Variants in DGKH observed in about 807,000 individuals in gnomAD.
The protein encoded by DGKH is diacylglycerol kinase eta, also known as DAG kinase eta.
Under a neutral mutation model 159.3 loss-of-function variants are expected in DGKH, and 90 were observed. The ratio of observed to expected loss-of-function variants is 0.57; its 90% CI spans 0.48 to 0.67. The LOEUF (loss-of-function observed/expected upper bound fraction) is 0.67, where lower values mean the gene tolerates loss of function less well. Ranked by LOEUF, DGKH falls within the 30% of genes least tolerant of loss-of-function variation. The pLI is 0.00. For synonymous variants in DGKH, 536 were observed against 553.8 expected (o/e 0.97, Z 0.45); for missense variants, 1,181 against 1,506.1 (o/e 0.78, Z 3.57).
At chr13:42,245,185 T>A (rs1335839919), downstream of DGKH, among the ~76,000 whole-genome samples, 1 of 152,148 alleles carries the variant, frequency 6.6e-6, no homozygotes. Context: ...CAAAAACTGA[T>A]TATCTAAAGA....
At position 42,221,360 on chromosome 13, in the gene DGKH, C is replaced by A. The variant is rs773017410; in HGVS notation, c.3539C>A (p.Ala1180Asp). The change falls in exon 29 of 30, where the codon GCT becomes GAT. Residue 1180 changes from alanine to aspartate, a missense_variant. This residue lies in a region of DGKH where 84 missense variants were observed against 77.9 expected (regional missense o/e 1.08). Coordinates refer to ENST00000337343, the MANE Select transcript of DGKH (RefSeq NM_178009.5). ...DIFIRHDIRG[A>D]ELLHLERRDL... ...TTCATCCGTCATGACATCAGAGGGG[C>A]TGAACTTTTGCATCTGGAAAGGCGA... The A allele has an allele frequency of 2.5e-6, 4 of 1,613,588 alleles. No individual in the cohort carries two copies. The African/African-American group carries it at 4.0e-5, about 16-fold the overall frequency.
intron 3 of DGKH, among the ~76,000 whole-genome samples, chr13:42,133,184 A>AT (rs397816213): frequency 2.1e-4 from 30 of 145,986 alleles, no homozygotes; most frequent in East Asian, 1.4e-3. Context: ...AAAAAAAAAA[A>AT]TTTTTTTTTT....
At chr13:42,069,468 C>T in intron 1 of DGKH, 1 of 1,550,920 alleles carries the variant, frequency 6.4e-7, no homozygotes, top group Non-Finnish European at 8.9e-7. Flanking sequence ...CATCAGTAGA[C>T]TCATGTTGGA....
chr13:42,152,854 C>T (rs1374942483), intron 3 of DGKH, among the ~76,000 whole-genome samples: 1 of 152,040 alleles, frequency 6.6e-6, no homozygotes, highest in Non-Finnish European at 1.5e-5. Context: ...CGAGTTCAAA[C>T]CCATTGTGGG....
intron 21 of DGKH, 28 bp from the exon 22 acceptor site, chr13:42,208,931 T>G: frequency 6.5e-7 from 1 of 1,540,388 alleles, no homozygotes; most frequent in East Asian, 2.3e-5. Flanking sequence ...AAACATTCAG[T>G]AGAAGTGTAA....
Position 42,242,124 on chromosome 13 carries a change from T to C in DGKH, c.*12936T>C, listed in dbSNP as rs575029725. The C allele has an allele frequency of 3.3e-5, 5 of 152,348 alleles. No homozygotes were observed. Among genetic ancestry groups the C allele is most frequent in the African/African-American group, 1.2e-4 (5 of 41,592 alleles). 9.4% of individuals were successfully genotyped at this position (152,348 alleles called of 1,614,324 possible). A position where few individuals can be genotyped will look rare whatever the true frequency, so the allele number is the denominator to read the frequency against. ...CCACAAAAGGAGGAGGCTCAAAAGA[T>C]TGGACACTTTACCCTGACATTCAGC... On this transcript the variant is annotated 3_prime_UTR_variant, in exon 30 of 30. Coordinates refer to ENST00000337343, the MANE Select transcript of DGKH (RefSeq NM_178009.5).
chr13:42,100,251 T>C (rs1180271791), intron 1 of DGKH, among the ~76,000 whole-genome samples: 1 of 152,230 alleles, frequency 6.6e-6, no homozygotes. Flanking sequence ...TATGAGAATC[T>C]AACTAATGCC....
intron 1 of DGKH, among the ~76,000 whole-genome samples, chr13:42,118,840 G>T (rs1457762827): frequency 6.6e-6 from 1 of 152,126 alleles, no homozygotes; most frequent in African/African-American, 2.4e-5. Flanking sequence ...AAGCGGTGGC[G>T]TAATTTAACT....
Position 42,083,070 on chromosome 13 carries a change from G to A in DGKH, c.192+34105G>A, listed in dbSNP as rs147875163. Among the ~76,000 whole-genome samples, 497 of 152,298 alleles carry A rather than the reference G, an allele frequency of 3.3e-3. 7 individuals carry two copies. The highest frequency in any genetic ancestry group is 0.03 in the Admixed American group (456 of 15,304). On this transcript the variant is annotated intron_variant, in intron 1 of 29. Transcript: ENST00000337343. ...TCCAACTTCAGCTAGAGTAACAGTA[G>A]TAACTGACTTGAAAGTATGTCAAAA... is the stretch of plus-strand genomic sequence containing the variant.
chr13:42,141,436 A>T (rs1955557473), intron 3 of DGKH, among the ~76,000 whole-genome samples: 1 of 152,196 alleles, frequency 6.6e-6, no homozygotes, highest in African/African-American at 2.4e-5. Context: ...TGGCTGGGTC[A>T]AATGGCATTT....
chr13:42,198,383 A>T, intron 17 of DGKH, 95 bp from the exon 18 acceptor site: 1 of 1,075,112 alleles, frequency 9.3e-7, no homozygotes, highest in Non-Finnish European at 1.4e-6. Context: ...CCTTGCTTTT[A>T]AAAGTAAGAT....
rs1301485056 is a variant in DGKH at position 42,048,807 on chromosome 13, G to A, written c.34G>A (p.Gly12Ser). 6.0e-6 allele frequency: 8 copies of A among 1,323,252 alleles called. No homozygotes were observed. Among genetic ancestry groups the A allele is most frequent in the Non-Finnish European group, 7.7e-6 (8 of 1,032,652 alleles). 82.0% of individuals were successfully genotyped at this position (1,323,252 alleles called of 1,614,324 possible). The change falls in exon 1 of 30, where the codon GGC becomes AGC. Residue 12 changes from glycine to serine, a missense_variant. Gly to Ser is a moderately conservative substitution (Grantham distance 56). Around this residue, in one of 5 missense-constraint regions of DGKH, gnomAD observed 136 missense variants for 132.2 expected, o/e 1.03. Transcript: ENST00000337343. The surrounding 1 kb of genome is among the most constrained non-coding windows in gnomAD (Gnocchi z 6.7). Reference protein sequence around the residue: ...AGAGGQHHPPGAAGGAAAGAG... With the variant: ...AGAGGQHHPPSAAGGAAAGAG... ...GGCCGGAGGCCAGCACCACCCTCCG[G>A]GCGCCGCTGGAGGAGCGGCCGCCGG...
At chr13:42,210,831 A>G in intron 24 of DGKH, 66 bp downstream of exon 24, 2 of 1,442,426 alleles carry the variant, frequency 1.4e-6, no homozygotes, top group Admixed American at 2.2e-5. Flanking sequence ...TGTTTTTTTA[A>G]TCTTAATACA....
chr13:42,110,767 T>TGCATG (rs1476989628), intron 1 of DGKH, among the ~76,000 whole-genome samples: 1 of 152,246 alleles, frequency 6.6e-6, no homozygotes, highest in Non-Finnish European at 1.5e-5. Context: ...CTTGTGGTAA[T>TGCATG]GCATGGTAGT....
At chr13:42,088,357 T>C (rs1358472816) in intron 1 of DGKH, among the ~76,000 whole-genome samples, 1 of 152,122 alleles carries the variant, frequency 6.6e-6, no homozygotes, top group Non-Finnish European at 1.5e-5. Flanking sequence ...AATTAGAATA[T>C]GGGTAAATAC....
At chr13:42,112,262 T>C (rs1372932737) in intron 1 of DGKH, among the ~76,000 whole-genome samples, 8 of 150,888 alleles carry the variant, frequency 5.3e-5, no homozygotes, top group Admixed American at 4.6e-4. Context: ...TTATAGTCAA[T>C]GCATACCATC....
At position 42,040,126 on chromosome 13, in the gene DGKH, G is replaced by T. The variant is rs61963980; in HGVS notation, c.-13G>T. The T allele has an allele frequency of 6.6e-6, 1 of 152,222 alleles. No individual in the cohort carries two copies. Among genetic ancestry groups the T allele is most frequent in the Admixed American group, 6.5e-5 (1 of 15,286 alleles). The allele number at this position is 152,222 out of a possible 1,614,324, so 9.4% of individuals were successfully genotyped here. On this transcript the variant is annotated splice_region_variant and 5_prime_UTR_variant, in exon 1 of 30. Transcript: ENST00000379274. The stretch of plus-strand genomic sequence containing the variant: ...GCTGAGTTTTCGCTCCGCTGAAGCC[G>T]GTTACTGTCCAGTGGGATTTCGCTC...
intron 20 of DGKH, among the ~76,000 whole-genome samples, chr13:42,205,363 A>G (rs1291468105): frequency 2.0e-5 from 3 of 152,208 alleles, no homozygotes; most frequent in African/African-American, 7.2e-5. Flanking sequence ...ATTAATTGAA[A>G]TTAAGAAACA....
chr13:42,197,292 C>T (rs1397153246), intron 17 of DGKH, among the ~76,000 whole-genome samples: 1 of 107,280 alleles, frequency 9.3e-6, no homozygotes, highest in African/African-American at 2.8e-5. Flanking sequence ...TTAACACTTC[C>T]CTCTAGGGCA....
Sources: allele counts gnomAD v4.1 joint callset (sites outside exome capture counted in the v4.1 genomes callset), GRCh38; gene constraint gnomAD v4.1.1; regional missense constraint gnomAD v4.1.1; non-coding constraint Gnocchi (gnomAD v3.1); transcripts MANE v1.5; gene names NCBI Gene and HGNC (gene_info 2026-07-23, HGNC 2026-07-21).